MCC: variants seen among roughly 807,000 people sequenced by gnomAD.
The protein encoded by MCC is MCC regulator of Wnt signaling pathway.
MCC carries 90 observed loss-of-function variants against 116.2 expected under a neutral mutation model. The ratio of observed to expected loss-of-function variants is 0.77; its 90% CI spans 0.65 to 0.92. The LOEUF (loss-of-function observed/expected upper bound fraction) is 0.92. MCC is among the 40% of genes least tolerant of loss of function. The pLI, the probability that MCC is intolerant of heterozygous loss-of-function variation, is 0.00. For missense variants in MCC, 1,516 were observed against 1,312.2 expected, an observed-to-expected ratio of 1.16 and a Z score of -2.40; for synonymous variants, 578 against 510.5, an observed-to-expected ratio of 1.13 and a Z score of -1.78.
chr5:113,098,616 T>G (rs1756196527), intron 8 of MCC, among the ~76,000 whole-genome samples: 1 of 152,164 alleles, frequency 6.6e-6, no homozygotes, highest in Admixed American at 6.5e-5. Flanking sequence ...TGCCTGTTGC[T>G]CCTTAGGTAC....
intron 2 of MCC, among the ~76,000 whole-genome samples, chr5:113,384,237 T>C (rs550642079): frequency 2.0e-5 from 3 of 152,206 alleles, no homozygotes; most frequent in Non-Finnish European, 4.4e-5. Flanking sequence ...GTAAGAAATA[T>C]AAACTTATGA....
chr5:113,181,206 T>C (rs1041937811), intron 3 of MCC, among the ~76,000 whole-genome samples: 9 of 152,238 alleles, frequency 5.9e-5, no homozygotes, highest in African/African-American at 2.2e-4. Flanking sequence ...GTTTTCCTCA[T>C]TCTGCTGCTT....
rs1416873493 is a variant in MCC, at chr5:113,041,653, C to G, written c.2756+1877G>C. Among the ~76,000 whole-genome samples, 3 of 152,082 alleles carry G rather than the reference C, an allele frequency of 2.0e-5. No homozygotes were observed. In the East Asian group the frequency reaches 5.8e-4, roughly 29 times the overall value. On this transcript the variant is annotated intron_variant, in intron 17 of 18. Transcript: ENST00000408903. ...CCCAGCTGACAGCACTTTGAAGGAC[C>G]TGGCTACATTTTCTGGGTGGCAGAC...
intron 11 of MCC, among the ~76,000 whole-genome samples, chr5:113,075,830 C>T (rs1480647399): frequency 1.3e-5 from 2 of 152,176 alleles, no homozygotes; most frequent in African/African-American, 4.8e-5. Context: ...GTCCGCGCCA[C>T]CTTTAAGAGC....
In MCC at chr5:113,460,674, A is replaced by T. The variant is rs1433931179; in HGVS notation, c.170+27571T>A. 2.0e-4 allele frequency among the ~76,000 whole-genome samples: 30 copies of T among 152,220 alleles called. 1 individual carries two copies. The highest frequency in any genetic ancestry group is 2.0e-3 in the Admixed American group (30 of 15,286). ...CTCACAGAGTTCAAAAGAGAGCATC[A>T]TATTGAAGACCTGGCTCCTTATAAA... On this transcript the variant is annotated intron_variant, in intron 1 of 18. Coordinates refer to ENST00000408903, the MANE Select transcript of MCC (RefSeq NM_001085377.2).
intron 3 of MCC, among the ~76,000 whole-genome samples, chr5:113,317,608 G>C (rs752263017): frequency 9.2e-5 from 14 of 152,094 alleles, no homozygotes; most frequent in Non-Finnish European, 1.9e-4. Flanking sequence ...GGAAAGAGCT[G>C]TCATGATGTA....
chr5:113,066,982 C>T (rs1256312473), intron 13 of MCC, among the ~76,000 whole-genome samples: 8 of 152,210 alleles, frequency 5.3e-5, no homozygotes, highest in African/African-American at 1.4e-4. Context: ...AGACGGCCAC[C>T]TTTCTCCTTG....
intron 8 of MCC, among the ~76,000 whole-genome samples, chr5:113,097,200 CTTT>C (rs1478318453): frequency 6.6e-6 from 1 of 152,166 alleles, no homozygotes; most frequent in African/African-American, 2.4e-5. Context: ...ATAATCCATA[CTTT>C]TTTGTTTTTG....
At chr5:113,331,362 C>T (rs1767691941) in intron 3 of MCC, among the ~76,000 whole-genome samples, 2 of 151,736 alleles carry the variant, frequency 1.3e-5, no homozygotes, top group Non-Finnish European at 2.9e-5. Context: ...TTCCTCCCAG[C>T]AGCTGTTCCT....
chr5:113,083,866 T>C (rs1273849094), intron 10 of MCC, among the ~76,000 whole-genome samples: 1 of 152,064 alleles, frequency 6.6e-6, no homozygotes, highest in African/African-American at 2.4e-5. Flanking sequence ...TGTTTCTGAA[T>C]GGTTTCAAGG....
At chr5:113,306,209 T>C (rs1268671834) in intron 3 of MCC, among the ~76,000 whole-genome samples, 1 of 152,254 alleles carries the variant, frequency 6.6e-6, no homozygotes, top group African/African-American at 2.4e-5. Flanking sequence ...AATGTTGCTA[T>C]GAACATTTGT....
At chr5:113,144,811 T>A (rs1759394984) in intron 4 of MCC, among the ~76,000 whole-genome samples, 1 of 152,206 alleles carries the variant, frequency 6.6e-6, no homozygotes, top group Non-Finnish European at 1.5e-5. Context: ...AGGGATACTT[T>A]CAGGAAAATA....
Position 113,122,669 on chromosome 5 carries a change from G to T in MCC, c.1027+15C>A. On this transcript the variant is annotated intron_variant, in intron 6 of 18. Coordinates refer to ENST00000408903, the MANE Select transcript of MCC (RefSeq NM_001085377.2). The stretch of plus-strand genomic sequence containing the variant: ...AACCAAACTCTGGCTTGGTGGCAAG[G>T]GCAGGCAGACTCACCCATGTCAGCA... 6.2e-7 allele frequency: 1 copy of T among 1,613,296 alleles called. No homozygotes were observed. The highest frequency in any genetic ancestry group is 8.5e-7 in the Non-Finnish European group (1 of 1,179,536).
intron 1 of MCC, among the ~76,000 whole-genome samples, chr5:113,481,835 T>G (rs1256301312): frequency 6.6e-6 from 1 of 152,196 alleles, no homozygotes; most frequent in East Asian, 1.9e-4. Context: ...TTTTACTATA[T>G]TCACAGAGCT....
At chr5:113,169,777 G>A (rs1242435743) in intron 3 of MCC, among the ~76,000 whole-genome samples, 3 of 152,170 alleles carry the variant, frequency 2.0e-5, no homozygotes, top group African/African-American at 7.2e-5. Flanking sequence ...GGCACTCTGT[G>A]TGAGTGTTTG....
intron 3 of MCC, among the ~76,000 whole-genome samples, chr5:113,168,926 C>T (rs1760920052): frequency 6.6e-6 from 1 of 152,160 alleles, no homozygotes; most frequent in South Asian, 2.1e-4. Context: ...CCCATGATAT[C>T]CACCAACTCT....
intron 3 of MCC, among the ~76,000 whole-genome samples, chr5:113,298,229 AG>A (rs1766761421): frequency 6.6e-6 from 1 of 152,228 alleles, no homozygotes; most frequent in Non-Finnish European, 1.5e-5. Context: ...ATGATACAGA[AG>A]GTCAATTAGG....
At position 113,212,289 on chromosome 5, in the gene MCC, G is replaced by A. The variant is rs375248697; in HGVS notation, c.628-60867C>T. 4.6e-5 allele frequency among the ~76,000 whole-genome samples: 7 copies of A among 152,216 alleles called. No individual in the cohort carries two copies. The East Asian group carries it at 1.2e-3, about 25-fold the overall frequency. ...CATTCCCCTTTCTCTACACCAAGCA[G>A]TATGATACACATTTCTTGCTCACTA... is the stretch of plus-strand genomic sequence containing the variant. On this transcript the variant is annotated intron_variant, in intron 3 of 18. Coordinates refer to ENST00000408903, the MANE Select transcript of MCC (RefSeq NM_001085377.2).
At chr5:113,041,864 C>A (rs193099809) in intron 17 of MCC, among the ~76,000 whole-genome samples, 23 of 152,092 alleles carry the variant, frequency 1.5e-4, no homozygotes, top group Non-Finnish European at 2.4e-4. Flanking sequence ...GGTGTGGTGG[C>A]GTGTGCCTGT....
Sources: allele counts gnomAD v4.1 joint callset (sites outside exome capture counted in the v4.1 genomes callset), GRCh38; gene constraint gnomAD v4.1.1; transcripts MANE v1.5; gene names NCBI Gene and HGNC (gene_info 2026-07-23, HGNC 2026-07-21).